Variants in TTC38 observed in about 807,000 individuals in gnomAD.
TTC38 encodes the protein tetratricopeptide repeat domain 38.
A neutral mutation model predicts 64.2 loss-of-function variants in TTC38; 64 were observed. The observed-to-expected ratio is 1.00, with a 90% confidence interval of 0.81 to 1.23. The LOEUF (loss-of-function observed/expected upper bound fraction) is 1.23. TTC38 is among the 50% of genes most tolerant of loss of function. The pLI, the probability that TTC38 is intolerant of heterozygous loss-of-function variation, is 0.00. For missense variants in TTC38, 573 were observed against 615.5 expected (o/e 0.93, Z 0.73); for synonymous variants, 254 against 249.3 (o/e 1.02, Z -0.18).
chr22:46,289,998 C>T (rs2077602120), intron 13 of TTC38, 99 bp downstream of exon 13: 2 of 1,068,416 alleles, frequency 1.9e-6, no homozygotes, highest in Non-Finnish European at 1.4e-6. Context: ...GCCCGAGATG[C>T]TCCTGCTTCT....
In TTC38 at chr22:46,288,558, A is replaced by T; in HGVS notation, c.1052A>T (p.Glu351Val). Residue 351 changes from glutamate to valine, a missense_variant, in exon 11 of 14, where the codon GAG becomes GTG. Physicochemically the swap from Glu to Val is moderately radical, Grantham distance 121 (BLOSUM62 -2). Around this residue, in one of 3 missense-constraint regions of TTC38, gnomAD observed 371 missense variants for 381.8 expected, o/e 0.97. Coordinates refer to ENST00000381031, the MANE Select transcript of TTC38 (RefSeq NM_017931.4). The stretch of plus-strand genomic sequence containing the variant: ...GCACACGACCCCCAGACCACACAGG[A>T]GCTGCTGACCACCCTGCGGGACGCC... ...LGAHDPQTTQ[E>V]LLTTLRDASE... 3.1e-6 allele frequency: 5 copies of T among 1,613,630 alleles called. No individual in the cohort carries two copies. The highest frequency in any genetic ancestry group is 4.2e-6 in the Non-Finnish European group (5 of 1,179,776).
chr22:46,280,282 A>G lies in TTC38; in HGVS notation c.616-1317A>G, dbSNP rs568556539. The G allele has an allele frequency of 4.3e-4, 195 of 456,462 alleles. 3 individuals carry two copies. The highest frequency in any genetic ancestry group is 2.8e-3 in the South Asian group (177 of 62,602). 28.3% of individuals were successfully genotyped at this position (456,462 alleles called of 1,614,324 possible). A position where few individuals can be genotyped will look rare whatever the true frequency, so the allele number is the denominator to read the frequency against. ...CCTGGAGCTCCATCCAAGTGGCTCA[A>G]TGGGTGGAGGCTTAGGGAGGAGGCG... On this transcript the variant is annotated intron_variant, in intron 6 of 13. Coordinates refer to ENST00000381031, the MANE Select transcript of TTC38 (RefSeq NM_017931.4).
intron 2 of TTC38, among the ~76,000 whole-genome samples, chr22:46,269,901 C>G (rs1936857064): frequency 6.6e-6 from 1 of 152,154 alleles, no homozygotes. Flanking sequence ...CAAGCGATTG[C>G]CCTGCCTCAG....
At position 46,276,751 on chromosome 22, in the gene TTC38, C is replaced by CATATATTAAAAATATATATTAAAAAT. The variant is rs1184845276; in HGVS notation, c.539+1353_539+1354insAATATATATTAAAAATATATATTAAA. ...ATATTAAAAAAATATATATAAAATA[C>CATATATTAAAAATATATATTAAAAAT]ATATATTAAAAATATATATTAAATA... On this transcript the variant is annotated intron_variant, in intron 5 of 13. Coordinates refer to ENST00000381031, the MANE Select transcript of TTC38 (RefSeq NM_017931.4). This position sits in a 1 kb window ranked among gnomAD's most constrained non-coding sequence, Gnocchi z 4.7. 7.3e-6 allele frequency among the ~76,000 whole-genome samples: 1 copy of CATATATTAAAAATATATATTAAAAAT among 137,358 alleles called. No homozygotes were observed. The highest frequency in any genetic ancestry group is 2.8e-5 in the African/African-American group (1 of 35,778). The allele number at this position is 137,358 out of a possible 152,430, so 90.1% of individuals were successfully genotyped here.
intron 5 of TTC38, among the ~76,000 whole-genome samples, chr22:46,278,055 A>G (rs135171): frequency 1 from 151,623 of 152,374 alleles, 75,438 homozygotes; most frequent in Middle Eastern, 1. Flanking sequence ...CTCACCAGTC[A>G]GAAGCATGGA....
rs1237331724 is a variant in TTC38, at chr22:46,292,865, C to A, written c.1391C>A (p.Thr464Asn). The stretch of plus-strand genomic sequence containing the variant: ...GAGCGGCTCATCCGCAAGGCAGCTA[C>A]CGTCCACCTCATGCAGTGAGCCAGC... ...LTERLIRKAA[T>N]VHLMQ Residue 464 changes from threonine to asparagine, a missense_variant, in exon 14 of 14, where the codon ACC becomes AAC. Physicochemically the swap from Thr to Asn is moderately conservative, Grantham distance 65 (BLOSUM62 0). Around this residue, in one of 3 missense-constraint regions of TTC38, gnomAD observed 371 missense variants for 381.8 expected, o/e 0.97. Coordinates refer to ENST00000381031, the MANE Select transcript of TTC38 (RefSeq NM_017931.4). The surrounding 1 kb of genome is among the most constrained non-coding windows in gnomAD (Gnocchi z 6.5). The A allele has an allele frequency of 6.2e-7, 1 of 1,613,796 alleles. No homozygotes were observed. The highest frequency in any genetic ancestry group is 8.5e-7 in the Non-Finnish European group (1 of 1,179,796).
intron 9 of TTC38, 65 bp from the exon 10 acceptor site, chr22:46,287,008 G>T: frequency 7.4e-7 from 1 of 1,343,038 alleles, no homozygotes; most frequent in South Asian, 1.3e-5. Flanking sequence ...GCTGACCCTG[G>T]CTGTGCCTGC....
rs1166978092 is a variant in TTC38, at chr22:46,288,524, TCCCTGGGTGCACACGACC to T, written c.1022_1039del (p.Leu341_Pro346del). 6.2e-7 allele frequency: 1 copy of T among 1,613,864 alleles called. No individual in the cohort carries two copies. The highest frequency in any genetic ancestry group is 8.5e-7 in the Non-Finnish European group (1 of 1,179,920). On this transcript the variant is annotated inframe_deletion, in exon 11 of 14. Transcript: ENST00000381031. ...CAATGACGCACACTTCCTGATGGCA[TCCCTGGGTGCACACGACC>T]CCCAGACCACACAGGAGCTGCTGAC...
rs2147804177 is a variant in TTC38, at chr22:46,291,763, T to A, written c.1317-1028T>A. On this transcript the variant is annotated intron_variant, in intron 13 of 13. Transcript: ENST00000381031. The surrounding 1 kb of genome is among the most constrained non-coding windows in gnomAD (Gnocchi z 4.6). ...TGAGGTCAGGAGTTCAAGACCAGCCTGGCTAATATGGTGAAACTCCGCCTC... is the reference window on the plus strand; with the variant it reads ...TGAGGTCAGGAGTTCAAGACCAGCCAGGCTAATATGGTGAAACTCCGCCTC... Among the ~76,000 whole-genome samples the A allele has an allele frequency of 6.6e-6, 1 of 152,288 alleles. No homozygotes were observed. Among genetic ancestry groups the A allele is most frequent in the Non-Finnish European group, 1.5e-5 (1 of 68,026 alleles).
At position 46,283,953 on chromosome 22, in the gene TTC38, C is replaced by G. The variant is rs6008504; in HGVS notation, c.736-20C>G. On this transcript the variant is annotated intron_variant, in intron 7 of 13. Transcript: ENST00000381031. ...GGCCTTCAGACTTTTCATAAATTCTCTTTTTTTTTTTTTCTCCAGGACTCT... is the reference window on the plus strand; with the variant it reads ...GGCCTTCAGACTTTTCATAAATTCTGTTTTTTTTTTTTTCTCCAGGACTCT... 2,862 of 1,312,764 alleles carry G rather than the reference C, an allele frequency of 2.2e-3. 5 individuals carry two copies. The highest frequency in any genetic ancestry group is 0.012 in the African/African-American group (809 of 65,232). The allele number at this position is 1,312,764 out of a possible 1,614,324, so 81.3% of individuals were successfully genotyped here.
rs570510286 is a variant in TTC38 at position 46,272,894 on chromosome 22, C to A, written c.193+478C>A. On this transcript the variant is annotated intron_variant, in intron 3 of 13. Transcript: ENST00000381031. The surrounding 1 kb of genome is among the most constrained non-coding windows in gnomAD (Gnocchi z 6.4). Reference sequence around the variant, plus strand: ...TGAGGTGGTGACAGAGGCTGGCATCCAGGCAAGCCATGTGTACAGCGGGCA... The same window carrying A: ...TGAGGTGGTGACAGAGGCTGGCATCAAGGCAAGCCATGTGTACAGCGGGCA... Among the ~76,000 whole-genome samples, 2 of 152,318 alleles carry A rather than the reference C, an allele frequency of 1.3e-5. No homozygotes were observed. Among genetic ancestry groups the A allele is most frequent in the African/African-American group, 4.8e-5 (2 of 41,572 alleles).
Position 46,272,100 on chromosome 22 carries a change from C to T in TTC38, c.112-235C>T, listed in dbSNP as rs180805647. 2.8e-3 allele frequency among the ~76,000 whole-genome samples: 427 copies of T among 152,298 alleles called. 4 individuals carry two copies. The highest frequency in any genetic ancestry group is 9.9e-3 in the African/African-American group (410 of 41,568). ...TCAGCCCCCGGGTTCAAGTGATTCT[C>T]ATGCCTCTGCCTACCAAGTGGCTGG... On this transcript the variant is annotated intron_variant, in intron 2 of 13. Coordinates refer to ENST00000381031, the MANE Select transcript of TTC38 (RefSeq NM_017931.4). The surrounding 1 kb of genome is among the most constrained non-coding windows in gnomAD (Gnocchi z 6.4).
At chr22:46,286,406 A>G (rs1354141172) in intron 9 of TTC38, among the ~76,000 whole-genome samples, 2 of 152,154 alleles carry the variant, frequency 1.3e-5, no homozygotes, top group Non-Finnish European at 2.9e-5. Flanking sequence ...CACACATGTA[A>G]TCCCAGCATT....
At position 46,269,251 on chromosome 22, in the gene TTC38, G is replaced by A. The variant is rs151162238; in HGVS notation, c.111+660G>A. 1,831 of 313,800 alleles carry A rather than the reference G, an allele frequency of 5.8e-3. 13 individuals carry two copies. Among genetic ancestry groups the A allele is most frequent in the Non-Finnish European group, 9.0e-3 (1,344 of 149,660 alleles). 19.4% of individuals were successfully genotyped at this position (313,800 alleles called of 1,614,324 possible). ...CTGCTGAGGGTCTGATGCAGGGCTC[G>A]GCTGCTTAGGACGTGGGATCCTGTC... On this transcript the variant is annotated intron_variant, in intron 2 of 13. Transcript: ENST00000381031.
intron 5 of TTC38, 61 bp from the exon 6 acceptor site, chr22:46,278,525 A>G: frequency 3.5e-6 from 5 of 1,413,488 alleles, no homozygotes; most frequent in Non-Finnish European, 5.0e-6. Context: ...TTGCGGGGAC[A>G]CAGTTCAACC....
At chr22:46,288,352 AG>A (rs2077586262) in intron 10 of TTC38, 70 bp from the exon 11 acceptor site, 2 of 1,490,286 alleles carry the variant, frequency 1.3e-6, no homozygotes, top group Admixed American at 1.9e-5. Context: ...AAGCGCCGTG[AG>A]GGAGGCCCTT....
At chr22:46,283,103 A>C (rs2077546649) in intron 7 of TTC38, among the ~76,000 whole-genome samples, 1 of 151,794 alleles carries the variant, frequency 6.6e-6, no homozygotes, top group Middle Eastern at 3.2e-3. Flanking sequence ...TAATTAAAAA[A>C]ATTTTTTTTT....
rs1289748149 is a variant in TTC38, at chr22:46,276,062, AGTT to A, written c.539+644_539+646del. Among the ~76,000 whole-genome samples the A allele has an allele frequency of 6.6e-6, 1 of 152,230 alleles. No homozygotes were observed. Among genetic ancestry groups the A allele is most frequent in the Non-Finnish European group, 1.5e-5 (1 of 68,040 alleles). On this transcript the variant is annotated intron_variant, in intron 5 of 13. Coordinates refer to ENST00000381031, the MANE Select transcript of TTC38 (RefSeq NM_017931.4). This position sits in a 1 kb window ranked among gnomAD's most constrained non-coding sequence, Gnocchi z 4.7. ...CTTCACTGCAGCTTCATTACAGAAT[AGTT>A]GTGAGGTTCGGACAGGTTAATAAGC...
chr22:46,277,046 T>TC (rs2077496644), intron 5 of TTC38, among the ~76,000 whole-genome samples: 1 of 131,274 alleles, frequency 7.6e-6, no homozygotes, highest in Non-Finnish European at 1.6e-5. Flanking sequence ...TATATATACA[T>TC]ACACACACAC....
Sources: gnomAD v4.1 joint callset for allele counts (sites outside exome capture counted in the v4.1 genomes callset) on GRCh38, gnomAD v4.1.1 for gene constraint, gnomAD v4.1.1 regional missense constraint, Gnocchi (gnomAD v3.1) non-coding constraint, MANE v1.5 for transcripts, NCBI Gene and HGNC (gene_info 2026-07-23, HGNC 2026-07-21) for gene names.